GAB2: variants seen among roughly 807,000 people sequenced by gnomAD.
GAB2 encodes the protein GRB2-associated-binding protein 2.
A neutral mutation model predicts 65.5 loss-of-function variants in GAB2; 26 were observed. That is an observed-to-expected ratio of 0.40 (90% CI 0.29 to 0.55). The LOEUF is 0.55. Among genes scored for constraint, GAB2 ranks in the 20% least tolerant of loss-of-function variants. The probability of loss-of-function intolerance (pLI) is 0.53; values close to 1 mark genes in which losing one functional copy is unlikely to be tolerated. For synonymous variants in GAB2, 321 were observed against 329.6 expected (o/e 0.97, Z 0.28); for missense variants, 884 against 875.8 (o/e 1.01, Z -0.12).
chr11:78,298,273 T>C (rs535995109), intron 1 of GAB2, among the ~76,000 whole-genome samples: 42 of 152,156 alleles, frequency 2.8e-4, no homozygotes, highest in Non-Finnish European at 4.7e-4. Context: ...GGACAGAATA[T>C]GGGAGATACC....
At chr11:78,343,212 A>G (rs1413334518) in intron 1 of GAB2, among the ~76,000 whole-genome samples, 2 of 152,220 alleles carry the variant, frequency 1.3e-5, no homozygotes, top group Admixed American at 1.3e-4. Context: ...CTAGAGATGT[A>G]GACTGACTTA....
At chr11:78,311,487 A>G (rs1346925519) in intron 1 of GAB2, among the ~76,000 whole-genome samples, 5 of 152,166 alleles carry the variant, frequency 3.3e-5, no homozygotes, top group Non-Finnish European at 7.3e-5. Context: ...TTTATTTGAT[A>G]TAAGAACAGT....
intron 1 of GAB2, among the ~76,000 whole-genome samples, chr11:78,281,331 C>T (rs1369707417): frequency 2.0e-5 from 3 of 151,896 alleles, no homozygotes; most frequent in South Asian, 4.2e-4. Flanking sequence ...CTGCAACCTC[C>T]GCCTCCAGGG....
At chr11:78,231,412 A>T (rs989391790) in intron 3 of GAB2, among the ~76,000 whole-genome samples, 9 of 150,866 alleles carry the variant, frequency 6.0e-5, no homozygotes, top group Non-Finnish European at 1.3e-4. Context: ...GCAGTGATGC[A>T]ATCTTGGCTC....
chr11:78,301,330 G>GTTTTTTTT (rs373415325), intron 1 of GAB2, among the ~76,000 whole-genome samples: 6 of 145,724 alleles, frequency 4.1e-5, no homozygotes, highest in Non-Finnish European at 3.0e-5. Flanking sequence ...GTATCTTGTG[G>GTTTTTTTT]TTTTTTGTTT....
intron 3 of GAB2, among the ~76,000 whole-genome samples, chr11:78,240,754 G>C (rs527736295): frequency 2.0e-5 from 3 of 151,948 alleles, no homozygotes; most frequent in African/African-American, 7.3e-5. Context: ...TTCTTGCCCA[G>C]GGTGAGGCCA....
In GAB2 at chr11:78,250,067, T is replaced by C. The variant is rs1406606453; in HGVS notation, c.620+90A>G. The C allele has an allele frequency of 1.8e-5, 24 of 1,339,254 alleles. 1 individual carries two copies. The East Asian group carries it at 5.3e-4, about 30-fold the overall frequency. 83.0% of individuals were successfully genotyped at this position (1,339,254 alleles called of 1,614,324 possible). A position where few individuals can be genotyped will look rare whatever the true frequency, so the allele number is the denominator to read the frequency against. On this transcript the variant is annotated intron_variant, in intron 3 of 9. Coordinates refer to ENST00000361507, the MANE Select transcript of GAB2 (RefSeq NM_080491.3). Reference sequence around the variant, plus strand: ...TTTGTCTACCTGAAACGATATAATGTTTTGCTTGTCTTTAAAAAAGCAAGG... The same window carrying C: ...TTTGTCTACCTGAAACGATATAATGCTTTGCTTGTCTTTAAAAAAGCAAGG...
At chr11:78,236,172 T>G (rs970125953) in intron 3 of GAB2, among the ~76,000 whole-genome samples, 4 of 152,244 alleles carry the variant, frequency 2.6e-5, no homozygotes, top group African/African-American at 9.6e-5. Flanking sequence ...GTTGTTAAAT[T>G]TATTCCCAAG....
At chr11:78,362,599 C>A (rs1476602135) in intron 1 of GAB2, among the ~76,000 whole-genome samples, 1 of 151,986 alleles carries the variant, frequency 6.6e-6, no homozygotes, top group Non-Finnish European at 1.5e-5. Context: ...TTTAATTCAC[C>A]ATTTAAAAGA....
At chr11:78,390,230 C>G (rs971222710) in intron 1 of GAB2, among the ~76,000 whole-genome samples, 7 of 152,252 alleles carry the variant, frequency 4.6e-5, no homozygotes, top group South Asian at 4.1e-4. Flanking sequence ...CCAGGCTTGG[C>G]GAGGCTATTG....
intron 1 of GAB2, among the ~76,000 whole-genome samples, chr11:78,325,488 G>T (rs1030206377): frequency 2.0e-5 from 3 of 152,126 alleles, no homozygotes; most frequent in Non-Finnish European, 2.9e-5. Flanking sequence ...CGTTGCTGAG[G>T]CTCTATTAAT....
At position 78,364,275 on chromosome 11, in the gene GAB2, G is replaced by A. The variant is rs117240311; in HGVS notation, c.75+53371C>T. Among the ~76,000 whole-genome samples, 1,437 of 152,226 alleles carry A rather than the reference G, an allele frequency of 9.4e-3. 15 individuals carry two copies. Among genetic ancestry groups the A allele is most frequent in the Middle Eastern group, 0.027 (8 of 294 alleles). On this transcript the variant is annotated intron_variant, in intron 1 of 9. Coordinates refer to ENST00000361507, the MANE Select transcript of GAB2 (RefSeq NM_080491.3). ...CCACCTCCGCCTCCCAAAGTACTGAGAATATAGGCATGAACCACCGCATGT... is the reference window on the plus strand; with the variant it reads ...CCACCTCCGCCTCCCAAAGTACTGAAAATATAGGCATGAACCACCGCATGT...
intron 1 of GAB2, among the ~76,000 whole-genome samples, chr11:78,322,504 A>C (rs1855745648): frequency 6.6e-6 from 1 of 151,870 alleles, no homozygotes; most frequent in African/African-American, 2.4e-5. Context: ...GAAACTATCG[A>C]GAGAGTAAAG....
intron 1 of GAB2, among the ~76,000 whole-genome samples, chr11:78,401,165 A>C (rs1008387313): frequency 2.0e-5 from 3 of 152,132 alleles, no homozygotes; most frequent in Admixed American, 6.5e-5. Context: ...TTATCATCTT[A>C]TCATTTTTAA....
intron 1 of GAB2, among the ~76,000 whole-genome samples, chr11:78,409,778 T>G (rs527352155): frequency 6.6e-6 from 1 of 152,278 alleles, no homozygotes; most frequent in East Asian, 1.9e-4. Context: ...AAGATATAAT[T>G]GACATTTATG....
intron 1 of GAB2, among the ~76,000 whole-genome samples, chr11:78,394,120 C>G (rs1386174980): frequency 3.3e-5 from 5 of 152,070 alleles, no homozygotes; most frequent in Non-Finnish European, 7.4e-5. Context: ...AACCCCATGT[C>G]TACTAAAAAT....
intron 8 of GAB2, 134 bp downstream of exon 8, chr11:78,221,543 C>T (rs1864422998): frequency 2.0e-6 from 1 of 497,780 alleles, no homozygotes. Context: ...GGGTTTGTAG[C>T]AGGAGACTAA....
chr11:78,386,660 T>C (rs550824778), intron 1 of GAB2, among the ~76,000 whole-genome samples: 1 of 152,294 alleles, frequency 6.6e-6, no homozygotes, highest in South Asian at 2.1e-4. Context: ...AACTGATTTA[T>C]TGAGAATGGC....
At chr11:78,352,742 T>C (rs1455317380) in intron 1 of GAB2, among the ~76,000 whole-genome samples, 1 of 152,190 alleles carries the variant, frequency 6.6e-6, no homozygotes, top group Non-Finnish European at 1.5e-5. Context: ...TAAGGGGTTT[T>C]CTGAGGGAAA....
Sources: gnomAD v4.1 joint callset for allele counts (sites outside exome capture counted in the v4.1 genomes callset) on GRCh38, gnomAD v4.1.1 for gene constraint, MANE v1.5 for transcripts, NCBI Gene and HGNC (gene_info 2026-07-23, HGNC 2026-07-21) for gene names.